The following ERC1 variants were observed in gnomAD, a reference collection of about 807,000 sequenced individuals.
ERC1 encodes the protein RAB6 interacting protein 2.
In ERC1, 56 loss-of-function variants were observed where a neutral mutation model predicts 132.0. The ratio of observed to expected loss-of-function variants is 0.42; its 90% CI spans 0.34 to 0.53. ERC1 has a LOEUF of 0.53. Ranked by LOEUF, ERC1 falls within the 20% of genes least tolerant of loss-of-function variation. ERC1 has a pLI of 0.03. For missense variants in ERC1, 1,202 were observed against 1,349.9 expected, an observed-to-expected ratio of 0.89 and a Z score of 1.72; for synonymous variants, 478 against 476.1, an observed-to-expected ratio of 1.00 and a Z score of -0.05.
intron 1 of ERC1, among the ~76,000 whole-genome samples, chr12:1,026,816 T>C (rs1010647065): frequency 1.3e-5 from 2 of 152,240 alleles, no homozygotes; most frequent in East Asian, 1.9e-4. Context: ...CTTGTTCATC[T>C]ATTTTAAATT....
At chr12:1,425,724 A>G (rs975683865) in intron 17 of ERC1, among the ~76,000 whole-genome samples, 8 of 152,194 alleles carry the variant, frequency 5.3e-5, no homozygotes, top group African/African-American at 1.2e-4. Context: ...AGGATCAACT[A>G]TCATTTTTCT....
intron 15 of ERC1, among the ~76,000 whole-genome samples, chr12:1,340,842 C>T (rs2083767539): frequency 6.6e-6 from 1 of 151,968 alleles, no homozygotes; most frequent in African/African-American, 2.4e-5. Flanking sequence ...TCAAGCAGTC[C>T]TCCTCCCTTG....
chr12:1,279,309 A>G (rs1363234914), intron 14 of ERC1, among the ~76,000 whole-genome samples: 2 of 152,238 alleles, frequency 1.3e-5, no homozygotes, highest in Non-Finnish European at 2.9e-5. Flanking sequence ...ATGACATAGT[A>G]TGACCAAAAA....
intron 15 of ERC1, among the ~76,000 whole-genome samples, chr12:1,325,002 A>T (rs568740270): frequency 5.1e-4 from 77 of 152,326 alleles, no homozygotes; most frequent in Non-Finnish European, 8.5e-4. Flanking sequence ...TGTTAAACAT[A>T]GAATATTAGT....
Position 1,405,715 on chromosome 12 carries a change from TAAATG to T in ERC1, c.2926-2433_2926-2429del, listed in dbSNP as rs1383346726. 3.9e-5 allele frequency among the ~76,000 whole-genome samples: 6 copies of T among 152,030 alleles called. No individual in the cohort carries two copies. The East Asian group carries it at 1.2e-3, about 29-fold the overall frequency. ...AAGACTCCATCTCAAAAAAATTAAA[TAAATG>T]GATATCTATTCAGCCAAATGCTGTG... On this transcript the variant is annotated intron_variant, in intron 16 of 18. Transcript: ENST00000360905.
intron 15 of ERC1, among the ~76,000 whole-genome samples, chr12:1,333,768 C>T (rs915867108): frequency 1.1e-4 from 16 of 152,106 alleles, no homozygotes; most frequent in African/African-American, 3.9e-4. Flanking sequence ...ATTATGTACA[C>T]AATAATGGGA....
rs980315065 is a variant in ERC1 at position 1,491,937 on chromosome 12, C to T, written c.*1707C>T. ...ATCTCCTGATAAGAGTTGCTGGACT[C>T]GATGTTTTTGTTTTGCATTTTCTCC... On this transcript the variant is annotated 3_prime_UTR_variant, in exon 19 of 19. Coordinates refer to ENST00000360905, the MANE Select transcript of ERC1 (RefSeq NM_178040.4). 5 of 232,594 alleles carry T rather than the reference C, an allele frequency of 2.1e-5. No homozygotes were observed. Among genetic ancestry groups the T allele is most frequent in the Admixed American group, 5.6e-5 (1 of 17,752 alleles). The allele number at this position is 232,594 out of a possible 1,614,324, so 14.4% of individuals were successfully genotyped here. A position where few individuals can be genotyped will look rare whatever the true frequency, so the allele number is the denominator to read the frequency against.
Position 1,416,972 on chromosome 12 carries a change from C to T in ERC1, c.3024+8725C>T, listed in dbSNP as rs940979035. ...CCCCTCCCTTCTTCACTTTCTCTGT[C>T]TTCCTCTTGGCTCTCATTTAATGGG... On this transcript the variant is annotated intron_variant, in intron 17 of 18. Coordinates refer to ENST00000360905, the MANE Select transcript of ERC1 (RefSeq NM_178040.4). Among the ~76,000 whole-genome samples the T allele has an allele frequency of 5.3e-5, 8 of 152,040 alleles. No homozygotes were observed. The East Asian group carries it at 1.5e-3, about 29-fold the overall frequency.
intron 8 of ERC1, among the ~76,000 whole-genome samples, chr12:1,180,157 T>A (rs1028398209): frequency 6.6e-6 from 1 of 152,170 alleles, no homozygotes; most frequent in Non-Finnish European, 1.5e-5. Context: ...TACAATGTCA[T>A]TTTAGAAGTA....
At chr12:1,311,733 A>G (rs555022382) in intron 15 of ERC1, among the ~76,000 whole-genome samples, 37 of 152,294 alleles carry the variant, frequency 2.4e-4, no homozygotes, top group African/African-American at 6.3e-4. Flanking sequence ...TGATTCCTCA[A>G]AAAGATGCAA....
At chr12:1,179,879 G>T (rs1211581728) in intron 8 of ERC1, among the ~76,000 whole-genome samples, 9 of 152,170 alleles carry the variant, frequency 5.9e-5, no homozygotes, top group African/African-American at 1.4e-4. Context: ...GTAAATGAAT[G>T]CATGTAAGTG....
intron 15 of ERC1, among the ~76,000 whole-genome samples, chr12:1,357,611 A>G (rs1348211482): frequency 6.6e-6 from 1 of 152,228 alleles, no homozygotes; most frequent in Non-Finnish European, 1.5e-5. Flanking sequence ...ATATAACAAC[A>G]GGTGTACCTT....
intron 13 of ERC1, among the ~76,000 whole-genome samples, chr12:1,250,799 C>T (rs1360845816): frequency 1.3e-5 from 2 of 152,158 alleles, no homozygotes; most frequent in Non-Finnish European, 2.9e-5. Flanking sequence ...TGAAAGGAGG[C>T]TCCTATCAAT....
rs2094313759 is a variant in ERC1 at position 1,491,025 on chromosome 12, CAT to C, written c.*796_*797del. On this transcript the variant is annotated 3_prime_UTR_variant, in exon 19 of 19. Coordinates refer to ENST00000360905, the MANE Select transcript of ERC1 (RefSeq NM_178040.4). ...AGATCAAATATCTCTAATTGAAGAA[CAT>C]GTGAGGTTGAAAGAGCACCAGCCAG... 8.6e-6 allele frequency: 2 copies of C among 232,732 alleles called. No homozygotes were observed. Among genetic ancestry groups the C allele is most frequent in the Non-Finnish European group, 1.7e-5 (2 of 117,786 alleles). The allele number at this position is 232,732 out of a possible 1,614,324, so 14.4% of individuals were successfully genotyped here.
intron 2 of ERC1, among the ~76,000 whole-genome samples, chr12:1,040,797 ACTGT>A (rs1162861239): frequency 6.6e-6 from 1 of 152,048 alleles, no homozygotes; most frequent in African/African-American, 2.4e-5. Flanking sequence ...ATATGTGGTG[ACTGT>A]ATAGGCCGAG....
intron 14 of ERC1, among the ~76,000 whole-genome samples, chr12:1,284,290 GTGTGTGTGTGTGTGTGTGTA>G (rs1338879734): frequency 6.8e-6 from 1 of 146,434 alleles, no homozygotes; most frequent in Non-Finnish European, 1.5e-5. Flanking sequence ...GTGTGTGTGT[GTGTGTGTGTGTGTGTGTGTA>G]TACATACCAC....
chr12:1,116,959 T>C (rs1946524623), intron 7 of ERC1, among the ~76,000 whole-genome samples: 1 of 152,198 alleles, frequency 6.6e-6, no homozygotes, highest in African/African-American at 2.4e-5. Context: ...TTCAGATAGG[T>C]ATATGACTTC....
At chr12:1,315,573 A>C (rs2081630056) in intron 15 of ERC1, among the ~76,000 whole-genome samples, 1 of 151,668 alleles carries the variant, frequency 6.6e-6, no homozygotes, top group Admixed American at 6.6e-5. Context: ...CTGGTCTCGA[A>C]CTCCTGACCT....
intron 13 of ERC1, among the ~76,000 whole-genome samples, chr12:1,261,613 C>T (rs564331262): frequency 2.2e-4 from 34 of 152,282 alleles, no homozygotes; most frequent in South Asian, 6.2e-4. Flanking sequence ...TACTGTGCTG[C>T]TCATGGCAAG....
Sources: gnomAD v4.1 joint callset for allele counts (sites outside exome capture counted in the v4.1 genomes callset) on GRCh38, gnomAD v4.1.1 for gene constraint, MANE v1.5 for transcripts, NCBI Gene and HGNC (gene_info 2026-07-23, HGNC 2026-07-21) for gene names.